LRRTM4: variants seen among roughly 807,000 people sequenced by gnomAD.
The protein encoded by LRRTM4 is leucine-rich repeat transmembrane neuronal protein 4.
A neutral mutation model predicts 47.6 loss-of-function variants in LRRTM4; 25 were observed. That is an observed-to-expected ratio of 0.53 (90% CI 0.38 to 0.73). LRRTM4 has a LOEUF of 0.73. LRRTM4 is among the 30% of genes least tolerant of loss of function. The pLI, the probability that LRRTM4 is intolerant of heterozygous loss-of-function variation, is 0.00. For synonymous variants in LRRTM4, 311 were observed against 269.5 expected, an observed-to-expected ratio of 1.15 and a Z score of -1.51; for missense variants, 638 against 713.4, an observed-to-expected ratio of 0.89 and a Z score of 1.20.
At chr2:76,817,328 T>C (rs59682617) in intron 3 of LRRTM4, among the ~76,000 whole-genome samples, 38,513 of 151,740 alleles carry the variant, frequency 0.25, 5,343 homozygotes, top group East Asian at 0.41. Flanking sequence ...TGTTGCTAAG[T>C]TGGAGGTTTC....
intron 3 of LRRTM4, among the ~76,000 whole-genome samples, chr2:76,985,760 C>T (rs1676772264): frequency 6.6e-6 from 1 of 151,878 alleles, no homozygotes; most frequent in African/African-American, 2.4e-5. Flanking sequence ...TTTTGAATGG[C>T]ATTGTGTTTG....
chr2:77,017,013 T>G (rs914242124), intron 3 of LRRTM4, among the ~76,000 whole-genome samples: 2 of 152,176 alleles, frequency 1.3e-5, no homozygotes, highest in Non-Finnish European at 2.9e-5. Context: ...CCCTTTCAAT[T>G]ATACTCAGCT....
At chr2:77,396,127 TA>T (rs1192224185) in intron 3 of LRRTM4, among the ~76,000 whole-genome samples, 1 of 151,954 alleles carries the variant, frequency 6.6e-6, no homozygotes, top group Admixed American at 6.6e-5. Context: ...TTTTTTTAAT[TA>T]AAACCACCAA....
chr2:76,879,410 A>G (rs1002153441), intron 3 of LRRTM4, among the ~76,000 whole-genome samples: 2 of 152,186 alleles, frequency 1.3e-5, no homozygotes, highest in South Asian at 4.1e-4. Flanking sequence ...TACTCTGCCT[A>G]TTCTCTGTAA....
At chr2:77,505,880 T>A (rs1164739607) in intron 3 of LRRTM4, among the ~76,000 whole-genome samples, 1 of 151,560 alleles carries the variant, frequency 6.6e-6, no homozygotes, top group Non-Finnish European at 1.5e-5. Flanking sequence ...ATGCAGAGAT[T>A]TCAATTATTT....
intron 3 of LRRTM4, among the ~76,000 whole-genome samples, chr2:77,249,179 G>C (rs368017962): frequency 6.6e-6 from 1 of 151,760 alleles, no homozygotes; most frequent in Non-Finnish European, 1.5e-5. Flanking sequence ...GTGAAACCCC[G>C]TCTCTACTAA....
At chr2:77,448,667 CATGAGAGAGAG>C (rs1245896023) in intron 3 of LRRTM4, among the ~76,000 whole-genome samples, 1 of 152,042 alleles carries the variant, frequency 6.6e-6, no homozygotes, top group Admixed American at 6.6e-5. Context: ...TTAGTGTGGG[CATGAGAGAGAG>C]TCTCTTGGAG....
At chr2:77,310,061 TG>T (rs1265089279) in intron 3 of LRRTM4, among the ~76,000 whole-genome samples, 3 of 152,180 alleles carry the variant, frequency 2.0e-5, no homozygotes, top group Non-Finnish European at 4.4e-5. Flanking sequence ...AAACTTTTTT[TG>T]GCTCTGGGTA....
chr2:77,454,886 A>AT lies in LRRTM4; in HGVS notation c.1551+63431dup, dbSNP rs1295493156. Among the ~76,000 whole-genome samples, 9 of 152,088 alleles carry AT rather than the reference A, an allele frequency of 5.9e-5. No individual in the cohort carries two copies. In the East Asian group the frequency reaches 1.7e-3, roughly 29 times the overall value. On this transcript the variant is annotated intron_variant, in intron 3 of 3. Coordinates refer to ENST00000409884, the MANE Select transcript of LRRTM4 (RefSeq NM_001134745.3). The stretch of plus-strand genomic sequence containing the variant: ...AAGCTGCCCCCCCTTTTATTTATTT[A>AT]TTTTTTATTTTTATTTTTTGGCCAG...
At chr2:76,771,379 A>C (rs189021321) in intron 3 of LRRTM4, among the ~76,000 whole-genome samples, 31 of 152,298 alleles carry the variant, frequency 2.0e-4, no homozygotes, top group Non-Finnish European at 4.0e-4. Context: ...ACTCAGAACT[A>C]CTCCATCTGA....
chr2:77,521,998 C>T, intron 1 of LRRTM4, 111 bp downstream of exon 1: 1 of 682,938 alleles, frequency 1.5e-6, no homozygotes, highest in South Asian at 1.7e-5. Context: ...TGTAATTCAC[C>T]AGAGACCCAT....
At chr2:77,241,344 G>A (rs534552653) in intron 3 of LRRTM4, among the ~76,000 whole-genome samples, 6 of 152,012 alleles carry the variant, frequency 3.9e-5, no homozygotes, top group South Asian at 2.1e-4. Context: ...GAGAAAAGGC[G>A]CTGGAAATTT....
intron 3 of LRRTM4, among the ~76,000 whole-genome samples, chr2:76,788,835 GTGATAATAA>G (rs1035286656): frequency 1.5e-4 from 23 of 151,622 alleles, no homozygotes; most frequent in Non-Finnish European, 2.8e-4. Context: ...ATTAAAATCT[GTGATAATAA>G]TGATAAATGT....
intron 3 of LRRTM4, among the ~76,000 whole-genome samples, chr2:77,218,437 T>C (rs1364658158): frequency 2.0e-5 from 3 of 152,164 alleles, no homozygotes; most frequent in East Asian, 1.9e-4. Flanking sequence ...GAAGAAAAAG[T>C]TGGCTATTTC....
At chr2:76,915,310 G>A (rs1475833242) in intron 3 of LRRTM4, among the ~76,000 whole-genome samples, 4 of 152,098 alleles carry the variant, frequency 2.6e-5, no homozygotes, top group African/African-American at 7.2e-5. Context: ...ATATCAAAAC[G>A]GGATTGAGTC....
At chr2:77,449,204 C>G (rs781626558) in intron 3 of LRRTM4, among the ~76,000 whole-genome samples, 1 of 152,100 alleles carries the variant, frequency 6.6e-6, no homozygotes, top group Non-Finnish European at 1.5e-5. Context: ...TAATTTTAAA[C>G]TTTTATTTTA....
chr2:77,160,393 G>C (rs1057042969), intron 3 of LRRTM4, among the ~76,000 whole-genome samples: 2 of 151,952 alleles, frequency 1.3e-5, no homozygotes, highest in African/African-American at 4.8e-5. Context: ...ATGATCTTCT[G>C]ATCTAGAGGC....
At chr2:76,924,767 C>G (rs76994625) in intron 3 of LRRTM4, among the ~76,000 whole-genome samples, 7,969 of 152,042 alleles carry the variant, frequency 0.052, 481 homozygotes, top group East Asian at 0.13. Context: ...AAGACACACA[C>G]GCAGACACAC....
Position 76,861,769 on chromosome 2 carries a change from A to T in LRRTM4, c.1552-112853T>A, listed in dbSNP as rs12616346. The stretch of plus-strand genomic sequence containing the variant: ...AGTGCTTATAACTCCAAATTGGAGC[A>T]CGGCATGAGGATTTGAGTAAAGAAG... On this transcript the variant is annotated intron_variant, in intron 3 of 3. Coordinates refer to ENST00000409884, the MANE Select transcript of LRRTM4 (RefSeq NM_001134745.3). Among the ~76,000 whole-genome samples the T allele has an allele frequency of 1.1e-3, 175 of 152,324 alleles. 1 individual carries two copies. In the East Asian group the frequency reaches 0.015, roughly 13 times the overall value.
Sources: allele counts gnomAD v4.1 joint callset (sites outside exome capture counted in the v4.1 genomes callset), GRCh38; gene constraint gnomAD v4.1.1; transcripts MANE v1.5; gene names NCBI Gene and HGNC (gene_info 2026-07-23, HGNC 2026-07-21).